Variants in TMX4 observed in about 807,000 individuals in gnomAD.
TMX4 encodes the protein thioredoxin related transmembrane protein 4.
In TMX4, 23 loss-of-function variants were observed where a neutral mutation model predicts 33.3. The observed-to-expected ratio is 0.69, with a 90% CI of 0.50 to 0.98. The LOEUF (loss-of-function observed/expected upper bound fraction) is 0.98, where lower values mean the gene tolerates loss of function less well. TMX4 is among the 50% of genes least tolerant of loss of function. TMX4 has a pLI of 0.00. For synonymous variants in TMX4, 164 were observed against 161.5 expected (o/e 1.02, Z -0.12); for missense variants, 399 against 448.9 (o/e 0.89, Z 1.01).
intron 4 of TMX4, among the ~76,000 whole-genome samples, chr20:7,997,403 A>C (rs2050680983): frequency 6.6e-6 from 1 of 151,900 alleles, no homozygotes; most frequent in Non-Finnish European, 1.5e-5. Context: ...TTCAGAGTTA[A>C]CCACCCCCTC....
chr20:8,011,852 C>T (rs2050754428), intron 1 of TMX4, among the ~76,000 whole-genome samples: 2 of 152,114 alleles, frequency 1.3e-5, no homozygotes, highest in Admixed American at 1.3e-4. Flanking sequence ...TCCTGAGATC[C>T]AGAAGACAGG....
intron 1 of TMX4, among the ~76,000 whole-genome samples, chr20:8,015,869 G>T (rs1479543681): frequency 6.6e-6 from 1 of 152,026 alleles, no homozygotes; most frequent in African/African-American, 2.4e-5. Flanking sequence ...ATAAGAAAAG[G>T]CAATAATTTA....
chr20:8,008,529 G>C (rs1277902716), intron 2 of TMX4, among the ~76,000 whole-genome samples: 1 of 151,412 alleles, frequency 6.6e-6, no homozygotes, highest in African/African-American at 2.4e-5. Context: ...TAGAAGGAAA[G>C]ACTATATTTA....
At chr20:8,005,646 A>G (rs1004745540) in intron 2 of TMX4, among the ~76,000 whole-genome samples, 1 of 152,180 alleles carries the variant, frequency 6.6e-6, no homozygotes, top group Non-Finnish European at 1.5e-5. Flanking sequence ...GCAGGCACAC[A>G]AACAAGCAGC....
intron 1 of TMX4, among the ~76,000 whole-genome samples, chr20:8,016,214 A>G (rs1204330673): frequency 6.6e-6 from 1 of 152,216 alleles, no homozygotes; most frequent in Non-Finnish European, 1.5e-5. Context: ...GAAAAAGGGC[A>G]AACGAGTATA....
chr20:7,993,972 GATTT>G (rs549724922), intron 5 of TMX4, among the ~76,000 whole-genome samples: 1 of 151,786 alleles, frequency 6.6e-6, no homozygotes, highest in South Asian at 2.1e-4. Context: ...CTTTTTATAA[GATTT>G]ATTTAAAACA....
At position 7,979,787 on chromosome 20, in the gene TMX4, T is replaced by C. The variant is rs1278599316; in HGVS notation, c.*2464A>G. ...ATTTTTCTTATTATATAATTAGATA[T>C]AGGTCAAATATCCCTTATCCAAAAT... On this transcript the variant is annotated 3_prime_UTR_variant, in exon 8 of 8. Transcript: ENST00000246024. The C allele has an allele frequency of 6.6e-6, 1 of 150,588 alleles. No individual in the cohort carries two copies. Among genetic ancestry groups the C allele is most frequent in the Non-Finnish European group, 1.5e-5 (1 of 67,470 alleles). The allele number at this position is 150,588 out of a possible 1,614,324, so 9.3% of individuals were successfully genotyped here.
intron 5 of TMX4, among the ~76,000 whole-genome samples, chr20:7,991,401 G>A (rs1293935006): frequency 6.6e-6 from 1 of 152,190 alleles, no homozygotes; most frequent in Non-Finnish European, 1.5e-5. Context: ...CCAAATGCTT[G>A]GGACCAGACA....
chr20:8,000,573 A>C (rs1459206943), intron 3 of TMX4, among the ~76,000 whole-genome samples: 1 of 152,026 alleles, frequency 6.6e-6, no homozygotes, highest in Non-Finnish European at 1.5e-5. Flanking sequence ...ACTTCTTCCT[A>C]CTGCTCTGAG....
rs930785891 is a variant in TMX4, at chr20:8,019,569, G to A, written c.45C>T (p.Ala15=). The A allele has an allele frequency of 7.1e-7, 1 of 1,409,608 alleles. No individual in the cohort carries two copies. The highest frequency in any genetic ancestry group is 1.5e-5 in the African/African-American group (1 of 66,100). The allele number at this position is 1,409,608 out of a possible 1,614,324, so 87.3% of individuals were successfully genotyped here. A position where few individuals can be genotyped will look rare whatever the true frequency, so the allele number is the denominator to read the frequency against. Residue 15 remains alanine (A), a synonymous_variant, in exon 1 of 8, where the codon GCC becomes GCT. Transcript: ENST00000246024. ...RCGPQLTALL[A]AWIAAVAATA... is the part of the protein sequence containing the mutation. ...TCGCCGCCACAGCCGCGATCCAGGC[G>A]GCCAGGAGCGCCGTTAGCTGCGGGC...
rs535745308 is a variant in TMX4 at position 8,013,555 on chromosome 20, T to G, written c.177-3240A>C. On this transcript the variant is annotated intron_variant, in intron 1 of 7. Transcript: ENST00000246024. ...ACAAAATTCAACAGCATGTTTTTGTTGTCCACGTTTTTTGTTCAACAGAAT... is the reference window on the plus strand; with the variant it reads ...ACAAAATTCAACAGCATGTTTTTGTGGTCCACGTTTTTTGTTCAACAGAAT... Among the ~76,000 whole-genome samples the G allele has an allele frequency of 2.6e-5, 4 of 152,242 alleles. No individual in the cohort carries two copies. The South Asian group carries it at 8.3e-4, about 31-fold the overall frequency.
chr20:8,019,369 G>A, intron 1 of TMX4, 69 bp downstream of exon 1: 3 of 1,468,008 alleles, frequency 2.0e-6, no homozygotes, highest in South Asian at 2.7e-5. Flanking sequence ...TCGCCACCGG[G>A]CCGCGCGGGC....
chr20:7,987,804 T>C (rs2050637327), intron 5 of TMX4, among the ~76,000 whole-genome samples: 1 of 152,186 alleles, frequency 6.6e-6, no homozygotes, highest in Admixed American at 6.5e-5. Flanking sequence ...GTCAATCATT[T>C]AAAATGTCTC....
intron 2 of TMX4, among the ~76,000 whole-genome samples, chr20:8,005,431 T>C (rs2050724713): frequency 6.6e-6 from 1 of 152,148 alleles, no homozygotes; most frequent in Admixed American, 6.5e-5. Context: ...GATTATAGTC[T>C]CTAGTTTTGA....
At chr20:8,014,946 A>G (rs2050767002) in intron 1 of TMX4, among the ~76,000 whole-genome samples, 1 of 151,940 alleles carries the variant, frequency 6.6e-6, no homozygotes, top group Admixed American at 6.6e-5. Context: ...TCAGGCCTGC[A>G]TTATAGTTAT....
rs557103450 is a variant in TMX4, at chr20:7,990,287, T to C, written c.514-2898A>G. On this transcript the variant is annotated intron_variant, in intron 5 of 7. Transcript: ENST00000246024. The stretch of plus-strand genomic sequence containing the variant: ...TCCAGCCTGGGTGACACAGTGAGAC[T>C]CTGCCTCAAAAAAAAAAAAAATCTT... Among the ~76,000 whole-genome samples, 7 of 147,994 alleles carry C rather than the reference T, an allele frequency of 4.7e-5. No individual in the cohort carries two copies. The South Asian group carries it at 1.3e-3, about 27-fold the overall frequency.
At chr20:8,006,005 AG>A (rs113650638) in intron 2 of TMX4, among the ~76,000 whole-genome samples, 3,743 of 146,686 alleles carry the variant, frequency 0.026, 131 homozygotes, top group African/African-American at 0.071. Context: ...GTGATAAGGC[AG>A]GGGGGTGTCT....
At chr20:7,998,440 C>A (rs1410578589) in intron 4 of TMX4, among the ~76,000 whole-genome samples, 1 of 152,180 alleles carries the variant, frequency 6.6e-6, no homozygotes, top group Non-Finnish European at 1.5e-5. Context: ...CACATCCCCA[C>A]TGCTGCCACC....
intron 4 of TMX4, 22 bp downstream of exon 4, chr20:7,999,710 T>A (rs113117051): frequency 6.2e-7 from 1 of 1,606,096 alleles, no homozygotes; most frequent in East Asian, 2.2e-5. Context: ...TAGTAACACC[T>A]TGTCTTAAAA....
Sources: gnomAD v4.1 joint callset for allele counts (sites outside exome capture counted in the v4.1 genomes callset) on GRCh38, gnomAD v4.1.1 for gene constraint, MANE v1.5 for transcripts, NCBI Gene and HGNC (gene_info 2026-07-23, HGNC 2026-07-21) for gene names.